The following HELLS variants were observed in gnomAD, a reference collection of about 807,000 sequenced individuals.
HELLS encodes lymphoid-specific helicase.
Under a neutral mutation model 120.0 loss-of-function variants are expected in HELLS, and 32 were observed. The ratio of observed to expected loss-of-function variants is 0.27; its 90% CI spans 0.20 to 0.36. The LOEUF (loss-of-function observed/expected upper bound fraction) is 0.36, where lower values mean the gene tolerates loss of function less well. Among genes scored for constraint, HELLS ranks in the 10% least tolerant of loss-of-function variants. The probability of loss-of-function intolerance (pLI) is 1.00; values close to 1 mark genes in which losing one functional copy is unlikely to be tolerated. For missense variants in HELLS, 650 were observed against 993.4 expected, an observed-to-expected ratio of 0.65 and a Z score of 4.65; for synonymous variants, 341 against 323.4, an observed-to-expected ratio of 1.05 and a Z score of -0.58.
At chr10:94,575,782 TG>T (rs1305158780) in intron 9 of HELLS, among the ~76,000 whole-genome samples, 1 of 104,486 alleles carries the variant, frequency 9.6e-6, no homozygotes, top group Non-Finnish European at 2.2e-5. Context: ...TGTGTGTGTG[TG>T]TGTGTGTGTG....
chr10:94,575,362 G>T (rs929744373), intron 9 of HELLS, among the ~76,000 whole-genome samples: 2 of 151,742 alleles, frequency 1.3e-5, no homozygotes, highest in African/African-American at 4.8e-5. Flanking sequence ...GCCTCTCAAA[G>T]TACTGGGATT....
chr10:94,587,333 T>G (rs1845219218), intron 12 of HELLS, among the ~76,000 whole-genome samples: 1 of 152,182 alleles, frequency 6.6e-6, no homozygotes, highest in African/African-American at 2.4e-5. Flanking sequence ...GATACAGAAA[T>G]GCAATGCATA....
chr10:94,587,770 T>C (rs1845244555), intron 12 of HELLS, among the ~76,000 whole-genome samples: 1 of 152,194 alleles, frequency 6.6e-6, no homozygotes, highest in Non-Finnish European at 1.5e-5. Flanking sequence ...AAAAGTTAAA[T>C]TATTATTGAC....
At chr10:94,550,339 C>T (rs1281643840) in intron 2 of HELLS, among the ~76,000 whole-genome samples, 2 of 151,932 alleles carry the variant, frequency 1.3e-5, no homozygotes, top group East Asian at 1.9e-4. Context: ...AGTGCAGTGG[C>T]GTGATCTTGG....
rs114387875 is a variant in HELLS, at chr10:94,582,251, C to G, written c.1230-712C>G. 4.8e-3 allele frequency among the ~76,000 whole-genome samples: 724 copies of G among 152,174 alleles called. 5 individuals are homozygous for G. The highest frequency in any genetic ancestry group is 0.015 in the African/African-American group (640 of 41,508). On this transcript the variant is annotated intron_variant, in intron 11 of 21. Transcript: ENST00000348459. ...CCGAATGGTGGCTCAAGGCAGGCTA[C>G]CTTATTGTGACTCTGGGCGCTTTTA... is the stretch of plus-strand genomic sequence containing the variant.
intron 6 of HELLS, chr10:94,569,670 C>G (rs898523462): frequency 6.6e-6 from 1 of 152,104 alleles, no homozygotes; most frequent in African/African-American, 2.4e-5. Flanking sequence ...CCTCAAACAC[C>G]TGGGCTCACA....
chr10:94,611,552 A>G (rs1417972763), exon 10 of HELLS: 2 of 152,194 alleles, frequency 1.3e-5, no homozygotes, highest in Non-Finnish European at 2.9e-5. Flanking sequence ...TTCTACCTCA[A>G]ACACTAATCT....
At chr10:94,585,631 G>A (rs1005864613) in intron 12 of HELLS, among the ~76,000 whole-genome samples, 3 of 151,484 alleles carry the variant, frequency 2.0e-5, no homozygotes, top group South Asian at 2.1e-4. Context: ...TGATCTGCCC[G>A]CCTTGGCCTC....
intron 9 of HELLS, among the ~76,000 whole-genome samples, chr10:94,575,578 A>G (rs1466346547): frequency 2.0e-5 from 3 of 151,942 alleles, no homozygotes; most frequent in East Asian, 3.9e-4. Flanking sequence ...GCACACCACA[A>G]GGCCAGGCTA....
intron 6 of HELLS, among the ~76,000 whole-genome samples, chr10:94,565,766 T>A (rs148299090): frequency 2.0e-3 from 299 of 152,342 alleles, no homozygotes; most frequent in Non-Finnish European, 1.9e-3. Flanking sequence ...ATTTGTTAAA[T>A]GGTTGTGGAA....
Position 94,546,016 on chromosome 10 carries a change from A to G in HELLS, c.31+64A>G, listed in dbSNP as rs1842736846. Reference sequence around the variant, plus strand: ...GCGGGGCTGAGGTGGGCAAGCATGGAGGCTGCGGCGGAGTTTCGGGGAGGG... The same window carrying G: ...GCGGGGCTGAGGTGGGCAAGCATGGGGGCTGCGGCGGAGTTTCGGGGAGGG... On this transcript the variant is annotated intron_variant, in intron 1 of 21. Transcript: ENST00000348459. The G allele has an allele frequency of 2.6e-6, 4 of 1,536,640 alleles. No individual in the cohort carries two copies. The South Asian group carries it at 4.8e-5, about 18-fold the overall frequency.
chr10:94,562,125 G>A (rs1843588980), intron 4 of HELLS, among the ~76,000 whole-genome samples: 1 of 151,792 alleles, frequency 6.6e-6, no homozygotes, highest in Non-Finnish European at 1.5e-5. Flanking sequence ...ACTATGGGCT[G>A]GGTGCAGTGG....
intron 2 of HELLS, among the ~76,000 whole-genome samples, chr10:94,552,019 G>C (rs1013188927): frequency 6.6e-6 from 1 of 152,192 alleles, no homozygotes; most frequent in Non-Finnish European, 1.5e-5. Flanking sequence ...GATTACAGGC[G>C]TGAGCCACCG....
At chr10:94,567,819 G>A (rs1843900084) in intron 6 of HELLS, among the ~76,000 whole-genome samples, 1 of 151,996 alleles carries the variant, frequency 6.6e-6, no homozygotes, top group African/African-American at 2.4e-5. Flanking sequence ...GAGGTGAGAG[G>A]ATCACCTGAG....
Position 94,590,632 on chromosome 10 carries a change from T to C in HELLS, c.1629-6T>C, listed in dbSNP as rs1845440796. On this transcript the variant is annotated splice_region_variant and splice_polypyrimidine_tract_variant and intron_variant, in intron 14 of 21. Transcript: ENST00000348459. The stretch of plus-strand genomic sequence containing the variant: ...TTTCCCATATATGCATTATTTGTTT[T>C]GGTAGAGCTGTTGTGGAAGTGAATA... 1.2e-6 allele frequency: 2 copies of C among 1,607,304 alleles called. No individual in the cohort carries two copies. Among genetic ancestry groups the C allele is most frequent in the African/African-American group, 1.3e-5 (1 of 74,640 alleles).
At chr10:94,603,141 T>C (rs1270715299), downstream of HELLS, among the ~76,000 whole-genome samples, 3 of 152,252 alleles carry the variant, frequency 2.0e-5, no homozygotes, top group Non-Finnish European at 4.4e-5. Flanking sequence ...TGTCGTAGCT[T>C]GAGCCAATTG....
At chr10:94,585,062 C>T (rs530851301) in intron 12 of HELLS, among the ~76,000 whole-genome samples, 25 of 152,036 alleles carry the variant, frequency 1.6e-4, no homozygotes, top group Middle Eastern at 6.9e-3. Context: ...GAATTCCTTT[C>T]CTTTTTTTAT....
chr10:94,574,230 C>T (rs1844325711), intron 8 of HELLS, 43 bp downstream of exon 8: 1 of 1,244,250 alleles, frequency 8.0e-7, no homozygotes, highest in African/African-American at 1.5e-5. Flanking sequence ...GGTTTTATTT[C>T]TATAGTAGCC....
Position 94,562,709 on chromosome 10 carries a change from G to A in HELLS, c.352G>A (p.Ala118Thr). Residue 118 changes from alanine to threonine, a missense_variant, in exon 5 of 22, where the codon GCA becomes ACA. Physicochemically the swap from Ala to Thr is moderately conservative, Grantham distance 58. This residue lies in a region of HELLS where 113 missense variants were observed against 120.7 expected (regional missense o/e 0.94). Transcript: ENST00000348459. ...KVKKGKNSID[A>T]SEEKPVMRKK... is the part of the protein sequence containing the mutation. The stretch of plus-strand genomic sequence containing the variant: ...TTTGTAGGGTAAAAATTCAATTGAT[G>A]CAAGTGAAGAGAAGCCAGGTAAATA... The A allele has an allele frequency of 6.3e-7, 1 of 1,588,998 alleles. No homozygotes were observed. The highest frequency in any genetic ancestry group is 8.6e-7 in the Non-Finnish European group (1 of 1,163,002).
Sources: allele counts gnomAD v4.1 joint callset (sites outside exome capture counted in the v4.1 genomes callset), GRCh38; gene constraint gnomAD v4.1.1; regional missense constraint gnomAD v4.1.1; transcripts MANE v1.5; gene names NCBI Gene and HGNC (gene_info 2026-07-23, HGNC 2026-07-21).